Variants in CCDC180 observed in about 807,000 individuals in gnomAD.
CCDC180 encodes the protein coiled-coil domain-containing protein 180.
A neutral mutation model predicts 209.2 loss-of-function variants in CCDC180; 154 were observed. The ratio of observed to expected loss-of-function variants is 0.74; its 90% CI spans 0.65 to 0.84. The LOEUF is 0.84. Among genes scored for constraint, CCDC180 ranks in the 40% least tolerant of loss-of-function variants. The pLI, the probability that CCDC180 is intolerant of heterozygous loss-of-function variation, is 0.00. For missense variants in CCDC180, 1,874 were observed against 1,997.3 expected, an observed-to-expected ratio of 0.94 and a Z score of 1.18; for synonymous variants, 778 against 749.1, an observed-to-expected ratio of 1.04 and a Z score of -0.63.
At chr9:97,326,913 G>C (rs1833552360) in intron 15 of CCDC180, among the ~76,000 whole-genome samples, 5 of 152,122 alleles carry the variant, frequency 3.3e-5, no homozygotes. Flanking sequence ...AAGAACATGG[G>C]GCCTTCTTTT....
intron 3 of CCDC180, among the ~76,000 whole-genome samples, chr9:97,310,946 T>C (rs1442367866): frequency 6.6e-6 from 1 of 152,168 alleles, no homozygotes; most frequent in Non-Finnish European, 1.5e-5. Flanking sequence ...GAACTACCCA[T>C]AGGGCCCAGC....
chr9:97,368,499 A>G (rs1013470340), intron 31 of CCDC180, among the ~76,000 whole-genome samples: 4 of 152,216 alleles, frequency 2.6e-5, no homozygotes, highest in African/African-American at 9.7e-5. Context: ...GTCCCTCCAT[A>G]AGACAGAAGG....
intron 25 of CCDC180, among the ~76,000 whole-genome samples, chr9:97,359,341 C>T (rs1826683708): frequency 6.6e-6 from 1 of 152,190 alleles, no homozygotes; most frequent in Non-Finnish European, 1.5e-5. Context: ...CTTGCCCAGC[C>T]TCCCAGCCAG....
intron 11 of CCDC180, 139 bp from the exon 12 acceptor site, chr9:97,322,694 C>G (rs3747501): frequency 0.046 from 32,234 of 701,890 alleles, 4,094 homozygotes; most frequent in African/African-American, 0.35. Flanking sequence ...ACCCCAGCCC[C>G]TGATCTCAAT....
At chr9:97,364,463 A>T (rs1343463840) in intron 29 of CCDC180, 2 of 284,968 alleles carry the variant, frequency 7.0e-6, no homozygotes, top group South Asian at 7.2e-5. Flanking sequence ...AACTCCAGTG[A>T]TTAAAACAAA....
At chr9:97,339,073 C>T (rs1369259172) in intron 18 of CCDC180, among the ~76,000 whole-genome samples, 2 of 152,016 alleles carry the variant, frequency 1.3e-5, no homozygotes, top group Non-Finnish European at 2.9e-5. Context: ...AGATAGGTCT[C>T]CTGAATACAG....
At chr9:97,359,633 C>T (rs1189050826) in intron 25 of CCDC180, among the ~76,000 whole-genome samples, 1 of 152,074 alleles carries the variant, frequency 6.6e-6, no homozygotes, top group African/African-American at 2.4e-5. Flanking sequence ...AATGTGAGAG[C>T]CAGAGGAGAT....
At chr9:97,348,761 A>G (rs1355216091) in intron 20 of CCDC180, among the ~76,000 whole-genome samples, 1 of 152,152 alleles carries the variant, frequency 6.6e-6, no homozygotes, top group African/African-American at 2.4e-5. Flanking sequence ...TCAGTGCTGT[A>G]CTTGCTGTTA....
chr9:97,347,292 C>T, intron 19 of CCDC180, 22 bp from the exon 20 acceptor site: 1 of 1,533,976 alleles, frequency 6.5e-7, no homozygotes, highest in Non-Finnish European at 8.7e-7. Flanking sequence ...GCAGGGCTGA[C>T]CCTGGCTGGT....
intron 11 of CCDC180, among the ~76,000 whole-genome samples, chr9:97,321,812 G>C (rs1019272783): frequency 6.6e-6 from 1 of 152,188 alleles, no homozygotes; most frequent in Non-Finnish European, 1.5e-5. Flanking sequence ...GTTGAGAACT[G>C]CAAGGGAGGT....
chr9:97,310,341 C>G (rs1037424933), intron 3 of CCDC180, among the ~76,000 whole-genome samples: 2 of 152,146 alleles, frequency 1.3e-5, no homozygotes, highest in African/African-American at 4.8e-5. Context: ...GAGGAGAGAG[C>G]TCCTGAGAGC....
At chr9:97,363,807 CCT>C in intron 28 of CCDC180, 1 of 570,782 alleles carries the variant, frequency 1.8e-6, no homozygotes, top group Non-Finnish European at 3.3e-6. Context: ...CACCCCTTGC[CCT>C]CTCACAGCAG....
chr9:97,339,504 G>C (rs1008825974), intron 18 of CCDC180, among the ~76,000 whole-genome samples: 1 of 137,802 alleles, frequency 7.3e-6, no homozygotes, highest in Non-Finnish European at 1.6e-5. Context: ...CTTCTGGCTT[G>C]CAGGGTTTCT....
At chr9:97,362,550 C>A in intron 28 of CCDC180, 109 bp downstream of exon 28, 1 of 1,476,222 alleles carries the variant, frequency 6.8e-7, no homozygotes, top group Non-Finnish European at 9.1e-7. Context: ...CACCACAATG[C>A]TCATGGCTCT....
chr9:97,376,700 C>A, intron 36 of CCDC180, 63 bp from the exon 37 acceptor site: 15 of 1,567,140 alleles, frequency 9.6e-6, no homozygotes, highest in Non-Finnish European at 1.2e-5. Flanking sequence ...TACAGCATTG[C>A]CCTAGGGGAG....
chr9:97,321,531 G>T (rs190693974), intron 11 of CCDC180, among the ~76,000 whole-genome samples: 130 of 152,262 alleles, frequency 8.5e-4, no homozygotes, highest in Non-Finnish European at 5.0e-4. Context: ...TGCTTCTAGG[G>T]CTCTCAGGTT....
chr9:97,357,931 A>C (rs563091639), intron 25 of CCDC180: 2 of 479,082 alleles, frequency 4.2e-6, no homozygotes, highest in Non-Finnish European at 7.4e-6. Flanking sequence ...TTCACCTCCA[A>C]CCCCTCCCAG....
At chr9:97,347,803 C>G (rs1826310805) in intron 20 of CCDC180, 1 of 240,236 alleles carries the variant, frequency 4.2e-6, no homozygotes, top group Admixed American at 5.3e-5. Flanking sequence ...CTGTCAGATA[C>G]ACACCTGCAT....
rs541612779 is a variant in CCDC180 at position 97,320,569 on chromosome 9, G to T, written c.1159+364G>T. Among the ~76,000 whole-genome samples the T allele has an allele frequency of 1.3e-4, 20 of 152,274 alleles. No individual in the cohort carries two copies. The South Asian group carries it at 3.9e-3, about 30-fold the overall frequency. On this transcript the variant is annotated intron_variant, in intron 11 of 36. Transcript: ENST00000529487. ...GCTCCTCCCAGGCTGTGTGACCTTG[G>T]GAAAATCAGGGCCTCTGGTAGCCTC...
Sources: allele counts gnomAD v4.1 joint callset (sites outside exome capture counted in the v4.1 genomes callset), GRCh38; gene constraint gnomAD v4.1.1; transcripts MANE v1.5; gene names NCBI Gene and HGNC (gene_info 2026-07-23, HGNC 2026-07-21).